The following RASSF9 variants were observed in gnomAD, a reference collection of about 807,000 sequenced individuals.
RASSF9 encodes the protein Ras association domain family member 9, also known as ras association domain-containing protein 9.
A neutral mutation model predicts 21.4 loss-of-function variants in RASSF9; 18 were observed. The observed-to-expected ratio is 0.84, with a 90% CI of 0.58 to 1.25. The LOEUF (loss-of-function observed/expected upper bound fraction) is 1.25. Among genes scored for constraint, RASSF9 ranks in the 50% most tolerant of loss-of-function variants. RASSF9 has a pLI of 0.00. For synonymous variants in RASSF9, 183 were observed against 179.1 expected (o/e 1.02, Z -0.18); for missense variants, 480 against 503.2 (o/e 0.95, Z 0.44).
chr12:85,815,584 C>T (rs189771092), intron 1 of RASSF9, among the ~76,000 whole-genome samples: 1 of 152,144 alleles, frequency 6.6e-6, no homozygotes, highest in Non-Finnish European at 1.5e-5. Flanking sequence ...CCTTTCTCTC[C>T]ACAACCTTGC....
intron 1 of RASSF9, among the ~76,000 whole-genome samples, chr12:85,811,997 G>C (rs1322780415): frequency 1.3e-5 from 2 of 151,632 alleles, no homozygotes. Context: ...GACTTGACTT[G>C]AACTAGTTTG....
At chr12:85,813,872 A>G (rs1347957495) in intron 1 of RASSF9, among the ~76,000 whole-genome samples, 2 of 151,958 alleles carry the variant, frequency 1.3e-5, no homozygotes, top group African/African-American at 4.8e-5. Flanking sequence ...AATATTGAGA[A>G]CTCTGAATGT....
intron 1 of RASSF9, among the ~76,000 whole-genome samples, chr12:85,827,975 A>C (rs980355688): frequency 6.6e-6 from 1 of 152,216 alleles, no homozygotes; most frequent in Non-Finnish European, 1.5e-5. Context: ...CTAGAAAAAT[A>C]TATGGCACAT....
At position 85,802,833 on chromosome 12, in the gene RASSF9, CTCTT is replaced by C. The variant is rs1330618074; in HGVS notation, c.*1865_*1868del. On this transcript the variant is annotated 3_prime_UTR_variant, in exon 2 of 2. Coordinates refer to ENST00000361228, the MANE Select transcript of RASSF9 (RefSeq NM_005447.4). ...TTATATTGTTGAATAATTTTATGGACTCTTAGTCAGGTGAACTTTCCTTTCACAG... is the reference window on the plus strand; with the variant it reads ...TTATATTGTTGAATAATTTTATGGACAGTCAGGTGAACTTTCCTTTCACAG... 2 of 152,118 alleles carry C rather than the reference CTCTT, an allele frequency of 1.3e-5. No individual in the cohort carries two copies. Among genetic ancestry groups the C allele is most frequent in the African/African-American group, 4.8e-5 (2 of 41,444 alleles). 9.4% of individuals were successfully genotyped at this position (152,118 alleles called of 1,614,324 possible).
chr12:85,825,913 C>T (rs1038273098), intron 1 of RASSF9, among the ~76,000 whole-genome samples: 7 of 152,084 alleles, frequency 4.6e-5, no homozygotes, highest in Admixed American at 3.3e-4. Context: ...CTTATGTGGC[C>T]TGACTGTGAT....
At chr12:85,829,439 A>T (rs982032412) in intron 1 of RASSF9, among the ~76,000 whole-genome samples, 1 of 152,192 alleles carries the variant, frequency 6.6e-6, no homozygotes, top group Admixed American at 6.5e-5. Context: ...TAAATACACA[A>T]AATTATTTTA....
intron 1 of RASSF9, among the ~76,000 whole-genome samples, chr12:85,832,280 C>T (rs552720007): frequency 1.3e-5 from 2 of 151,950 alleles, no homozygotes; most frequent in African/African-American, 4.8e-5. Context: ...GACACTATTT[C>T]ATTATGGTAA....
At chr12:85,836,129 A>T (rs1565759301) in intron 1 of RASSF9, 26 bp downstream of exon 1, 1 of 1,551,290 alleles carries the variant, frequency 6.4e-7, no homozygotes, top group East Asian at 2.4e-5. Context: ...AGACACACAC[A>T]CACTTACTCA....
chr12:85,801,704 A>G lies in RASSF9; in HGVS notation c.*2998T>C, dbSNP rs924199864. On this transcript the variant is annotated 3_prime_UTR_variant, in exon 2 of 2. Coordinates refer to ENST00000361228, the MANE Select transcript of RASSF9 (RefSeq NM_005447.4). Reference sequence around the variant, plus strand: ...GTGGCGGGCGCCTGTAGTCCCAGCTACTCAGGAGGCTGAGGCAGGAAAATG... The same window carrying G: ...GTGGCGGGCGCCTGTAGTCCCAGCTGCTCAGGAGGCTGAGGCAGGAAAATG... 2 of 152,476 alleles carry G rather than the reference A, an allele frequency of 1.3e-5. No individual in the cohort carries two copies. The highest frequency in any genetic ancestry group is 1.9e-4 in the East Asian group (1 of 5,182). The allele number at this position is 152,476 out of a possible 1,614,324, so 9.4% of individuals were successfully genotyped here. A position where few individuals can be genotyped will look rare whatever the true frequency, so the allele number is the denominator to read the frequency against.
chr12:85,810,557 C>T (rs1188818927), intron 1 of RASSF9, among the ~76,000 whole-genome samples: 1 of 151,860 alleles, frequency 6.6e-6, no homozygotes, highest in Non-Finnish European at 1.5e-5. Flanking sequence ...CTTAAATAAT[C>T]ATTACTTTAT....
intron 1 of RASSF9, among the ~76,000 whole-genome samples, chr12:85,806,758 T>G (rs538604452): frequency 6.6e-4 from 100 of 151,818 alleles, no homozygotes; most frequent in Non-Finnish European, 4.4e-5. Context: ...CTTAATTATC[T>G]TTTTATTTCC....
In RASSF9 at chr12:85,805,260, C is replaced by T. The variant is rs764737491; in HGVS notation, c.750G>A (p.Gln250=). ...FSEVEQNLDL[Q]YEENQTLEDL... is the part of the protein sequence containing the mutation. ...CCTCCAGAGTCTGGTTTTCCTCATA[C>T]TGCAAGTCTAGATTTTGCTCAACTT... is the stretch of plus-strand genomic sequence containing the variant. The change falls in exon 2 of 2, where the codon CAG becomes CAA. Residue 250 remains glutamine, a synonymous_variant. Transcript: ENST00000361228. 4.3e-6 allele frequency: 7 copies of T among 1,613,532 alleles called. No homozygotes were observed. In the Admixed American group the frequency reaches 1.2e-4, roughly 27 times the overall value.
rs1348972476 is a variant in RASSF9, at chr12:85,800,814, G to C, written c.*3888C>G. 1 of 151,758 alleles carries C rather than the reference G, an allele frequency of 6.6e-6. No homozygotes were observed. The highest frequency in any genetic ancestry group is 1.5e-5 in the Non-Finnish European group (1 of 67,904). 9.4% of individuals were successfully genotyped at this position (151,758 alleles called of 1,614,324 possible). A position where few individuals can be genotyped will look rare whatever the true frequency, so the allele number is the denominator to read the frequency against. ...TTAAACCAATCAGGCAGTATGAAAA[G>C]AAATAGCCTAGTATTTAAAAACTAT... On this transcript the variant is annotated 3_prime_UTR_variant, in exon 2 of 2. Transcript: ENST00000361228.
chr12:85,820,478 T>C (rs1880182414), intron 1 of RASSF9, among the ~76,000 whole-genome samples: 1 of 152,218 alleles, frequency 6.6e-6, no homozygotes, highest in Admixed American at 6.5e-5. Flanking sequence ...TATGTACAAT[T>C]TTCTAAATGT....
intron 1 of RASSF9, among the ~76,000 whole-genome samples, chr12:85,818,698 C>T (rs1341493465): frequency 1.3e-5 from 2 of 152,250 alleles, no homozygotes; most frequent in Admixed American, 6.5e-5. Flanking sequence ...TGGTGGCTCA[C>T]GTCTGTAATC....
intron 1 of RASSF9, among the ~76,000 whole-genome samples, chr12:85,835,884 G>A (rs1179863720): frequency 6.6e-6 from 1 of 152,128 alleles, no homozygotes; most frequent in East Asian, 1.9e-4. Flanking sequence ...CTGGTCAAAA[G>A]GGGAGAAAGG....
intron 1 of RASSF9, among the ~76,000 whole-genome samples, chr12:85,811,907 A>G (rs191236704): frequency 6.6e-6 from 1 of 151,902 alleles, no homozygotes; most frequent in Non-Finnish European, 1.5e-5. Flanking sequence ...TCTGATTAAA[A>G]CTCATCACAA....
At chr12:85,812,116 T>C (rs149851133) in intron 1 of RASSF9, among the ~76,000 whole-genome samples, 4 of 151,850 alleles carry the variant, frequency 2.6e-5, no homozygotes, top group African/African-American at 9.6e-5. Flanking sequence ...TTTTTAGTTA[T>C]TGGAAATTGA....
chr12:85,817,076 T>A (rs1000803243), intron 1 of RASSF9, among the ~76,000 whole-genome samples: 11 of 152,162 alleles, frequency 7.2e-5, no homozygotes, highest in Admixed American at 2.0e-4. Flanking sequence ...GTGTAGAAAT[T>A]CATACTGCTT....
Sources: allele counts gnomAD v4.1 joint callset (sites outside exome capture counted in the v4.1 genomes callset), GRCh38; gene constraint gnomAD v4.1.1; transcripts MANE v1.5; gene names NCBI Gene and HGNC (gene_info 2026-07-23, HGNC 2026-07-21).